PPP2R2B: variants seen among roughly 807,000 people sequenced by gnomAD.
PPP2R2B encodes serine/threonine-protein phosphatase 2A 55 kDa regulatory subunit B beta isoform.
A neutral mutation model predicts 46.0 loss-of-function variants in PPP2R2B; 5 were observed. That is an observed-to-expected ratio of 0.11 (90% CI 0.06 to 0.23). The LOEUF is 0.23. Ranked by LOEUF, PPP2R2B falls within the 10% of genes least tolerant of loss-of-function variation. PPP2R2B has a pLI of 1.00. For missense variants in PPP2R2B, 367 were observed against 575.0 expected (o/e 0.64, Z 3.70); for synonymous variants, 215 against 206.7 (o/e 1.04, Z -0.34).
intron 7 of PPP2R2B, among the ~76,000 whole-genome samples, chr5:146,615,477 A>C (rs1447120257): frequency 7.6e-6 from 1 of 131,778 alleles, no homozygotes; most frequent in Non-Finnish European, 1.6e-5. Flanking sequence ...CAATGTTCAC[A>C]TGTACCCTAA....
intron 1 of PPP2R2B, among the ~76,000 whole-genome samples, chr5:147,029,835 A>G (rs1580827390): frequency 6.6e-6 from 1 of 152,118 alleles, no homozygotes; most frequent in South Asian, 2.1e-4. Flanking sequence ...TCCCGCCAGC[A>G]CCTTAATCTA....
chr5:146,721,667 C>T (rs1000900588), intron 2 of PPP2R2B, among the ~76,000 whole-genome samples: 1 of 152,238 alleles, frequency 6.6e-6, no homozygotes, highest in Non-Finnish European at 1.5e-5. Context: ...GCACTTCCTT[C>T]TATGTGGAAG....
chr5:147,016,389 ACT>A (rs1300169830), intron 1 of PPP2R2B, among the ~76,000 whole-genome samples: 1 of 151,090 alleles, frequency 6.6e-6, no homozygotes, highest in East Asian at 2.1e-4. Flanking sequence ...CTAACAAGTA[ACT>A]CTATTCCTTT....
intron 2 of PPP2R2B, among the ~76,000 whole-genome samples, chr5:146,793,886 G>A (rs1046583277): frequency 2.0e-5 from 3 of 152,160 alleles, no homozygotes; most frequent in African/African-American, 7.2e-5. Flanking sequence ...TAAACACAGG[G>A]AGACCAGTTT....
intron 2 of PPP2R2B, among the ~76,000 whole-genome samples, chr5:146,715,753 C>T (rs578070875): frequency 1.3e-5 from 2 of 152,244 alleles, no homozygotes; most frequent in South Asian, 4.1e-4. Flanking sequence ...TTTTTGTGGG[C>T]TGCTTCTTTT....
chr5:146,929,759 T>C (rs903034732), intron 1 of PPP2R2B, among the ~76,000 whole-genome samples: 2 of 152,186 alleles, frequency 1.3e-5, no homozygotes, highest in Non-Finnish European at 2.9e-5. Context: ...GCTCTGGAGA[T>C]AGACTACTAG....
chr5:147,046,241 C>G (rs979737518), intron 1 of PPP2R2B, among the ~76,000 whole-genome samples: 1 of 152,156 alleles, frequency 6.6e-6, no homozygotes, highest in African/African-American at 2.4e-5. Flanking sequence ...TGACAGAATA[C>G]TGAATTTGCT....
intron 2 of PPP2R2B, among the ~76,000 whole-genome samples, chr5:146,808,325 C>CAGATATAG: frequency 6.6e-6 from 1 of 152,316 alleles, no homozygotes; most frequent in South Asian, 2.1e-4. Flanking sequence ...TTGAATAGCA[C>CAGATATAG]AGATATAGAA....
chr5:146,918,591 T>C (rs1375293347), intron 1 of PPP2R2B, among the ~76,000 whole-genome samples: 1 of 152,234 alleles, frequency 6.6e-6, no homozygotes, highest in African/African-American at 2.4e-5. Flanking sequence ...TATGAGACTC[T>C]CTGAGATTCC....
intron 4 of PPP2R2B, among the ~76,000 whole-genome samples, chr5:146,694,438 T>A (rs745460437): frequency 1.3e-5 from 2 of 152,222 alleles, no homozygotes; most frequent in Non-Finnish European, 2.9e-5. Context: ...GGCTTTGGAA[T>A]GTATCCCATC....
At chr5:147,063,786 T>C (rs111954172) in intron 2 of PPP2R2B, among the ~76,000 whole-genome samples, 13 of 152,200 alleles carry the variant, frequency 8.5e-5, no homozygotes, top group African/African-American at 3.1e-4. Flanking sequence ...CAGATGAGAA[T>C]GTTAGAGGAT....
intron 2 of PPP2R2B, among the ~76,000 whole-genome samples, chr5:146,732,919 T>C (rs946287368): frequency 1.1e-4 from 16 of 152,248 alleles, no homozygotes; most frequent in African/African-American, 3.1e-4. Context: ...AGGCTGATTC[T>C]AAAGCCCATC....
chr5:146,822,533 TG>T (rs766758297), intron 2 of PPP2R2B, among the ~76,000 whole-genome samples: 42 of 148,196 alleles, frequency 2.8e-4, no homozygotes, highest in East Asian at 7.8e-4. Flanking sequence ...TCTTCATTTT[TG>T]GTTTTTTTTT....
chr5:146,936,866 T>G (rs912026581), intron 1 of PPP2R2B, among the ~76,000 whole-genome samples: 1 of 144,046 alleles, frequency 6.9e-6, no homozygotes, highest in African/African-American at 2.8e-5. Context: ...GAGCCAGGGT[T>G]TTTTTTTTTT....
chr5:146,944,060 C>T (rs1291558389), intron 1 of PPP2R2B, among the ~76,000 whole-genome samples: 2 of 152,168 alleles, frequency 1.3e-5, no homozygotes, highest in Non-Finnish European at 2.9e-5. Flanking sequence ...CCAGCCTCCT[C>T]ATCCTTATCT....
intron 2 of PPP2R2B, among the ~76,000 whole-genome samples, chr5:146,840,158 G>C (rs755926504): frequency 2.0e-5 from 3 of 152,174 alleles, no homozygotes; most frequent in Non-Finnish European, 4.4e-5. Context: ...AACAGGATGG[G>C]CTTTAAGTAC....
chr5:146,686,713 C>G (rs1251428458), intron 5 of PPP2R2B, among the ~76,000 whole-genome samples: 1 of 152,128 alleles, frequency 6.6e-6, no homozygotes, highest in Non-Finnish European at 1.5e-5. Flanking sequence ...TCAACCTGGC[C>G]TAGGTTCCCA....
At position 146,789,908 on chromosome 5, in the gene PPP2R2B, GGGC is replaced by G. The variant is rs1385297679; in HGVS notation, c.70+88091_70+88093del. Among the ~76,000 whole-genome samples, 7 of 152,278 alleles carry G rather than the reference GGGC, an allele frequency of 4.6e-5. No homozygotes were observed. The South Asian group carries it at 8.3e-4, about 18-fold the overall frequency. The stretch of plus-strand genomic sequence containing the variant: ...ATGTAGCAGATGGTCAGGCAGGCAG[GGGC>G]CAGATCAGGGAGACAGAGAACATAA... On this transcript the variant is annotated intron_variant, in intron 2 of 9. Coordinates refer to ENST00000394411, the MANE Select transcript of PPP2R2B (RefSeq NM_181675.4).
chr5:146,865,555 T>C (rs1304919633), intron 2 of PPP2R2B, among the ~76,000 whole-genome samples: 1 of 152,218 alleles, frequency 6.6e-6, no homozygotes, highest in Non-Finnish European at 1.5e-5. Flanking sequence ...GCAAGTTCTG[T>C]GAGAGCAGGG....
Sources: allele counts gnomAD v4.1 joint callset (sites outside exome capture counted in the v4.1 genomes callset), GRCh38; gene constraint gnomAD v4.1.1; transcripts MANE v1.5; gene names NCBI Gene and HGNC (gene_info 2026-07-23, HGNC 2026-07-21).